Variants in RYR2 observed in about 807,000 individuals in gnomAD.
RYR2 encodes the protein cardiac muscle ryanodine receptor-calcium release channel.
Under a neutral mutation model 601.1 loss-of-function variants are expected in RYR2, and 227 were observed. That is an observed-to-expected ratio of 0.38 (90% CI 0.34 to 0.42). The LOEUF is 0.42. RYR2 is among the 10% of genes least tolerant of loss of function. The pLI, the probability that RYR2 is intolerant of heterozygous loss-of-function variation, is 1.00. For synonymous variants in RYR2, 2,223 were observed against 2,175.1 expected (o/e 1.02, Z -0.61); for missense variants, 4,646 against 6,156.5 (o/e 0.75, Z 8.21).
chr1:237,193,819 T>G (rs1680271365), intron 1 of RYR2, among the ~76,000 whole-genome samples: 1 of 152,190 alleles, frequency 6.6e-6, no homozygotes, highest in African/African-American at 2.4e-5. Context: ...ATAGCAAGAC[T>G]TTGACCAGAT....
At chr1:237,631,748 C>A (rs945708234) in intron 42 of RYR2, among the ~76,000 whole-genome samples, 11 of 150,754 alleles carry the variant, frequency 7.3e-5, no homozygotes, top group African/African-American at 2.4e-4. Flanking sequence ...CTGCCTCAGC[C>A]TCCCGAGGAG....
At chr1:237,251,818 C>T (rs905014122) in intron 1 of RYR2, among the ~76,000 whole-genome samples, 2 of 152,188 alleles carry the variant, frequency 1.3e-5, no homozygotes, top group Non-Finnish European at 2.9e-5. Context: ...TCACATTCTC[C>T]TCCCCTATCA....
Position 237,518,458 on chromosome 1 carries a change from A to G in RYR2, c.2822+6667A>G, listed in dbSNP as rs1006332779. Reference sequence around the variant, plus strand: ...TCCATGAATTGTCATTCTACTCTCTATGTCCATGTGTGCACATTTTTTTAA... The same window carrying G: ...TCCATGAATTGTCATTCTACTCTCTGTGTCCATGTGTGCACATTTTTTTAA... On this transcript the variant is annotated intron_variant, in intron 24 of 104. Transcript: ENST00000366574. 7.3e-5 allele frequency among the ~76,000 whole-genome samples: 11 copies of G among 150,388 alleles called. 1 individual carries two copies. Among genetic ancestry groups the G allele is most frequent in the African/African-American group, 2.4e-4 (10 of 41,268 alleles).
chr1:237,664,770 G>A (rs1684144752), intron 56 of RYR2, among the ~76,000 whole-genome samples: 1 of 152,202 alleles, frequency 6.6e-6, no homozygotes, highest in Non-Finnish European at 1.5e-5. Flanking sequence ...TCTAGCTTGT[G>A]TCCCCAAATC....
chr1:237,494,977 G>C (rs1373043091), intron 19 of RYR2, among the ~76,000 whole-genome samples: 1 of 152,106 alleles, frequency 6.6e-6, no homozygotes, highest in Non-Finnish European at 1.5e-5. Flanking sequence ...TTTTAGTAGA[G>C]ACGGGGTTTC....
chr1:237,632,787 T>G (rs941699843), intron 42 of RYR2, among the ~76,000 whole-genome samples: 1 of 152,154 alleles, frequency 6.6e-6, no homozygotes, highest in Non-Finnish European at 1.5e-5. Context: ...ATAATCAGTA[T>G]AATTTTATAA....
chr1:237,262,344 C>T (rs1209971625), intron 1 of RYR2, among the ~76,000 whole-genome samples: 1 of 148,178 alleles, frequency 6.7e-6, no homozygotes, highest in Non-Finnish European at 1.5e-5. Context: ...CAACCTCCGC[C>T]TCCCAGGTTC....
intron 58 of RYR2, among the ~76,000 whole-genome samples, chr1:237,673,278 C>T (rs576221773): frequency 2.6e-5 from 4 of 152,032 alleles, no homozygotes; most frequent in African/African-American, 9.7e-5. Flanking sequence ...TAATAGCATT[C>T]TTTGTATCAG....
intron 24 of RYR2, among the ~76,000 whole-genome samples, chr1:237,529,470 A>AT (rs1411020381): frequency 6.6e-6 from 1 of 152,142 alleles, no homozygotes; most frequent in Non-Finnish European, 1.5e-5. Context: ...ACTTGTCTAT[A>AT]TGGAAATACA....
intron 1 of RYR2, among the ~76,000 whole-genome samples, chr1:237,243,595 C>T (rs990266556): frequency 6.6e-6 from 1 of 152,054 alleles, no homozygotes; most frequent in African/African-American, 2.4e-5. Flanking sequence ...ATGGAAGCTT[C>T]TTGATGTTGG....
chr1:237,097,790 G>A (rs764420647), intron 1 of RYR2, among the ~76,000 whole-genome samples: 6 of 152,140 alleles, frequency 3.9e-5, no homozygotes, highest in Non-Finnish European at 8.8e-5. Context: ...GCTATTCCCA[G>A]TCCGTGTCAC....
chr1:237,382,964 T>C (rs923153781), intron 8 of RYR2, among the ~76,000 whole-genome samples: 4 of 151,812 alleles, frequency 2.6e-5, no homozygotes, highest in African/African-American at 9.7e-5. Context: ...TAATGTGACT[T>C]GTTTACTTGT....
chr1:237,614,255 C>A lies in RYR2; in HGVS notation c.5127C>A (p.Ile1709=), dbSNP rs1553522097. The part of the protein sequence containing the change: ...RAGYYDLLID[I]HLSSYATARL... The stretch of plus-strand genomic sequence containing the variant: ...GCTACTATGACCTGCTGATTGACAT[C>A]CACCTGAGCTCCTATGCCACTGCCA... The change falls in exon 37 of 105, where the codon ATC becomes ATA. Residue 1709 remains isoleucine, a synonymous_variant. Transcript: ENST00000366574. The surrounding 1 kb of genome is among the most constrained non-coding windows in gnomAD (Gnocchi z 4.3). 6.2e-7 allele frequency: 1 copy of A among 1,614,014 alleles called. No individual in the cohort carries two copies. Among genetic ancestry groups the A allele is most frequent in the Non-Finnish European group, 8.5e-7 (1 of 1,179,900 alleles).
chr1:237,051,505 G>C (rs965739700), intron 1 of RYR2, among the ~76,000 whole-genome samples: 1 of 151,808 alleles, frequency 6.6e-6, no homozygotes, highest in African/African-American at 2.4e-5. Context: ...CATTCTTAAG[G>C]CACATTTGAA....
intron 3 of RYR2, among the ~76,000 whole-genome samples, chr1:237,353,031 G>A (rs1006874276): frequency 6.6e-6 from 1 of 152,060 alleles, no homozygotes; most frequent in East Asian, 1.9e-4. Flanking sequence ...TTGAAGATTT[G>A]CGTGTGATAC....
chr1:237,216,859 G>A (rs1683235195), intron 1 of RYR2, among the ~76,000 whole-genome samples: 1 of 152,102 alleles, frequency 6.6e-6, no homozygotes, highest in South Asian at 2.1e-4. Context: ...ATTTAAGTTA[G>A]GGTCTGAGTA....
chr1:237,618,611 C>T (rs1678744498), intron 38 of RYR2, among the ~76,000 whole-genome samples: 1 of 152,126 alleles, frequency 6.6e-6, no homozygotes, highest in South Asian at 2.1e-4. Flanking sequence ...CCTCCTCTTT[C>T]TAGATAAAGG....
intron 84 of RYR2, among the ~76,000 whole-genome samples, chr1:237,770,157 G>GAATT: frequency 6.6e-6 from 1 of 152,222 alleles, no homozygotes; most frequent in South Asian, 2.1e-4. Context: ...TTCATATTTA[G>GAATT]AATTAAGGTT....
intron 2 of RYR2, among the ~76,000 whole-genome samples, chr1:237,329,789 C>A (rs544942919): frequency 6.6e-6 from 1 of 152,088 alleles, no homozygotes; most frequent in Non-Finnish European, 1.5e-5. Flanking sequence ...CAATTCTTAT[C>A]CTGGTTCCTT....
Sources: allele counts gnomAD v4.1 joint callset (sites outside exome capture counted in the v4.1 genomes callset), GRCh38; gene constraint gnomAD v4.1.1; non-coding constraint Gnocchi (gnomAD v3.1); transcripts MANE v1.5; gene names NCBI Gene and HGNC (gene_info 2026-07-23, HGNC 2026-07-21).